Variants in PDE11A observed in about 807,000 individuals in gnomAD.
The protein encoded by PDE11A is phosphodiesterase 11A.
In PDE11A, 100 loss-of-function variants were observed where a neutral mutation model predicts 100.5. The ratio of observed to expected loss-of-function variants is 1.00; its 90% CI spans 0.85 to 1.18. The LOEUF (loss-of-function observed/expected upper bound fraction) is 1.18, where lower values mean the gene tolerates loss of function less well. Ranked by LOEUF, PDE11A falls within the 50% of genes most tolerant of loss-of-function variation. The probability of loss-of-function intolerance (pLI) is 0.00; values close to 1 mark genes in which losing one functional copy is unlikely to be tolerated. For synonymous variants in PDE11A, 381 were observed against 420.8 expected, an observed-to-expected ratio of 0.91 and a Z score of 1.16; for missense variants, 1,141 against 1,152.6, an observed-to-expected ratio of 0.99 and a Z score of 0.15.
At chr2:177,959,536 G>T (rs1298977676) in intron 2 of PDE11A, among the ~76,000 whole-genome samples, 3 of 152,136 alleles carry the variant, frequency 2.0e-5, no homozygotes, top group Non-Finnish European at 4.4e-5. Context: ...TGATCAGGAT[G>T]GTAACTGTAT....
intron 12 of PDE11A, among the ~76,000 whole-genome samples, chr2:177,720,009 C>A (rs961735920): frequency 6.6e-6 from 1 of 151,666 alleles, no homozygotes; most frequent in African/African-American, 2.4e-5. Flanking sequence ...AGGGTGCCTT[C>A]AATCACCCCC....
intron 19 of PDE11A, among the ~76,000 whole-genome samples, chr2:177,657,838 A>C (rs1470066511): frequency 6.6e-6 from 1 of 152,236 alleles, no homozygotes; most frequent in East Asian, 1.9e-4. Context: ...CAGGCAGCAT[A>C]TTAGAAAAGA....
At chr2:178,074,826 C>A (rs2087187119), upstream of PDE11A, among the ~76,000 whole-genome samples, 1 of 152,118 alleles carries the variant, frequency 6.6e-6, no homozygotes, top group Non-Finnish European at 1.5e-5. Flanking sequence ...TAGCCATGTT[C>A]CCTGCTTGGT....
At chr2:177,674,282 A>G (rs545541974) in intron 17 of PDE11A, among the ~76,000 whole-genome samples, 5 of 152,222 alleles carry the variant, frequency 3.3e-5, no homozygotes, top group Non-Finnish European at 7.3e-5. Flanking sequence ...GTAAATTACC[A>G]TAAAGTTAGT....
chr2:177,717,204 T>A (rs72947187), intron 12 of PDE11A, among the ~76,000 whole-genome samples: 20,492 of 152,220 alleles, frequency 0.13, 1,415 homozygotes, highest in Non-Finnish European at 0.15. Flanking sequence ...AAGCAGCACC[T>A]ATCTCTTGAC....
At position 178,044,370 on chromosome 2, in the gene PDE11A, A is replaced by G. The variant is rs528690666; in HGVS notation, c.912+27156T>C. 2.0e-5 allele frequency among the ~76,000 whole-genome samples: 3 copies of G among 148,416 alleles called. No individual in the cohort carries two copies. The East Asian group carries it at 5.8e-4, about 29-fold the overall frequency. ...ATATAGATATATAAACTTTATATAT[A>G]TGTTTTTATATATATAAACTTTATA... On this transcript the variant is annotated intron_variant, in intron 1 of 19. Transcript: ENST00000286063.
In PDE11A at chr2:177,855,604, C is replaced by G. The variant is rs187704913; in HGVS notation, c.1368-15221G>C. Among the ~76,000 whole-genome samples, 1,093 of 152,022 alleles carry G rather than the reference C, an allele frequency of 7.2e-3. 13 individuals are homozygous for G. Among genetic ancestry groups the G allele is most frequent in the African/African-American group, 0.025 (1,017 of 41,468 alleles). On this transcript the variant is annotated intron_variant, in intron 5 of 19. Transcript: ENST00000286063. ...TTTGGAACTCCCCAAAAGCTCTATC[C>G]CCAGAGAATTGTCACTATTTGACCT...
At chr2:177,950,002 A>T (rs1209217805) in intron 2 of PDE11A, among the ~76,000 whole-genome samples, 1 of 133,128 alleles carries the variant, frequency 7.5e-6, no homozygotes, top group Non-Finnish European at 1.8e-5. Context: ...AGAACATGAT[A>T]TAACAGTTTG....
intron 2 of PDE11A, among the ~76,000 whole-genome samples, chr2:177,987,657 T>C (rs1435541655): frequency 6.6e-6 from 1 of 152,236 alleles, no homozygotes; most frequent in Non-Finnish European, 1.5e-5. Context: ...AGAATTATTT[T>C]GTTCAGAAAC....
chr2:177,992,885 A>G (rs1336653960), intron 2 of PDE11A, among the ~76,000 whole-genome samples: 1 of 152,132 alleles, frequency 6.6e-6, no homozygotes, highest in Non-Finnish European at 1.5e-5. Context: ...CTTTACTTCA[A>G]TGATAGCTGG....
At chr2:177,825,402 G>C (rs1181255298) in intron 6 of PDE11A, among the ~76,000 whole-genome samples, 1 of 152,180 alleles carries the variant, frequency 6.6e-6, no homozygotes, top group Non-Finnish European at 1.5e-5. Flanking sequence ...TGGGAGAGGA[G>C]AACAAGGAAG....
At chr2:177,685,864 C>G (rs1165255996) in intron 15 of PDE11A, among the ~76,000 whole-genome samples, 1 of 152,084 alleles carries the variant, frequency 6.6e-6, no homozygotes, top group Admixed American at 6.6e-5. Flanking sequence ...ATCGTGCTGG[C>G]CCAAATTCCT....
At chr2:177,675,812 C>A in intron 16 of PDE11A, 2 of 513,206 alleles carry the variant, frequency 3.9e-6, no homozygotes, top group Non-Finnish European at 7.3e-6. Flanking sequence ...GCTAAGCAAG[C>A]TCTGCTTAAA....
At chr2:177,741,276 T>C (rs561709164) in intron 10 of PDE11A, among the ~76,000 whole-genome samples, 1 of 152,302 alleles carries the variant, frequency 6.6e-6, no homozygotes, top group South Asian at 2.1e-4. Context: ...CACACGGCCT[T>C]CTCTCTGTAC....
intron 14 of PDE11A, among the ~76,000 whole-genome samples, chr2:177,699,273 C>T (rs772910605): frequency 1.4e-4 from 22 of 152,096 alleles, no homozygotes; most frequent in Non-Finnish European, 2.1e-4. Context: ...GCAACTGTAA[C>T]GCAATGGTTG....
intron 1 of PDE11A, among the ~76,000 whole-genome samples, chr2:178,037,731 T>A (rs2086633722): frequency 6.6e-6 from 1 of 152,130 alleles, no homozygotes; most frequent in South Asian, 2.1e-4. Flanking sequence ...GGGACATGGA[T>A]GAAGCTGGAA....
chr2:177,734,134 A>G (rs1333498090), intron 10 of PDE11A, among the ~76,000 whole-genome samples: 1 of 152,170 alleles, frequency 6.6e-6, no homozygotes, highest in Non-Finnish European at 1.5e-5. Flanking sequence ...TCCGTTTTTT[A>G]TTATAAGCAA....
intron 2 of PDE11A, among the ~76,000 whole-genome samples, chr2:177,994,021 C>A (rs1187711727): frequency 1.3e-5 from 2 of 150,984 alleles, no homozygotes; most frequent in Admixed American, 1.3e-4. Context: ...CTGCAACCTC[C>A]CCCTCCCCGA....
At chr2:177,631,687 A>G (rs1342221552) in intron 19 of PDE11A, among the ~76,000 whole-genome samples, 1 of 148,306 alleles carries the variant, frequency 6.7e-6, no homozygotes, top group Non-Finnish European at 1.5e-5. Context: ...ATGGTATTTT[A>G]TAATCTCAGT....
Sources: gnomAD v4.1 joint callset for allele counts (sites outside exome capture counted in the v4.1 genomes callset) on GRCh38, gnomAD v4.1.1 for gene constraint, MANE v1.5 for transcripts, NCBI Gene and HGNC (gene_info 2026-07-23, HGNC 2026-07-21) for gene names.